Variants in VRK2 observed in about 807,000 individuals in gnomAD.
VRK2 encodes the protein serine/threonine-protein kinase VRK2.
A neutral mutation model predicts 57.6 loss-of-function variants in VRK2; 60 were observed. The ratio of observed to expected loss-of-function variants is 1.04; its 90% CI spans 0.85 to 1.29. VRK2 has a LOEUF of 1.29. Ranked by LOEUF, VRK2 falls within the 50% of genes most tolerant of loss-of-function variation. The pLI is 0.00. For missense variants in VRK2, 705 were observed against 588.1 expected (o/e 1.20, Z -2.06); for synonymous variants, 231 against 199.2 (o/e 1.16, Z -1.35).
At position 58,084,092 on chromosome 2, in the gene VRK2, T is replaced by G. The variant is rs555993721; in HGVS notation, c.140T>G (p.Phe47Cys). ...SGGFGLIYLAFPTNKPEKDAR... is the reference protein window; with the variant it reads ...SGGFGLIYLACPTNKPEKDAR... The stretch of plus-strand genomic sequence containing the variant: ...TGTGTGTTTTTTTTGTCTGCAGCTT[T>G]CCCCACAAATAAACCAGAGAAAGAT... Residue 47 changes from phenylalanine (F) to cysteine (C), a missense_variant, in exon 3 of 13, where the codon TTC (phenylalanine) becomes TGC (cysteine). By Grantham distance (205) the Phe-to-Cys change is radical. Transcript: ENST00000340157. 15 of 1,605,932 alleles carry G rather than the reference T, an allele frequency of 9.3e-6. No individual in the cohort carries two copies. The African/African-American group carries it at 2.0e-4, about 21-fold the overall frequency.
chr2:58,042,654 T>C (rs534365405), upstream of VRK2, among the ~76,000 whole-genome samples: 1 of 152,318 alleles, frequency 6.6e-6, no homozygotes, highest in Non-Finnish European at 1.5e-5. Flanking sequence ...GTGTAAGCAT[T>C]TTATAGCACC....
At chr2:58,107,501 A>G (rs533640321) in intron 7 of VRK2, among the ~76,000 whole-genome samples, 15 of 151,898 alleles carry the variant, frequency 9.9e-5, no homozygotes, top group African/African-American at 1.7e-4. Flanking sequence ...TCTTCCTAGT[A>G]TAATTTTCAT....
chr2:58,017,416 C>T (rs1207677584), intron 1 of VRK2, among the ~76,000 whole-genome samples: 3 of 152,186 alleles, frequency 2.0e-5, no homozygotes, highest in Non-Finnish European at 4.4e-5. Context: ...AGGCAAACTT[C>T]CTCCATCATA....
At position 58,159,495 on chromosome 2, in the gene VRK2, G is replaced by A; in HGVS notation, c.1329G>A (p.Lys443=). ...ATTTTACCAGTCCAGATATATTCAA[G>A]AAGTCAAGATCTCCATCTTGGTATA... is the stretch of plus-strand genomic sequence containing the variant. ...HQDFTSPDIF[K]KSRSPSWYKY... is the part of the protein sequence containing the mutation. Residue 443 remains lysine (K), a synonymous_variant, in exon 13 of 13, where the codon AAG becomes AAA. Coordinates refer to ENST00000340157, the MANE Select transcript of VRK2 (RefSeq NM_006296.7). The A allele has an allele frequency of 6.2e-7, 1 of 1,613,634 alleles. No homozygotes were observed. The highest frequency in any genetic ancestry group is 8.5e-7 in the Non-Finnish European group (1 of 1,179,740).
chr2:58,062,278 C>CA (rs1406886148), intron 2 of VRK2, among the ~76,000 whole-genome samples: 2 of 152,014 alleles, frequency 1.3e-5, no homozygotes, highest in East Asian at 1.9e-4. Context: ...CTGCACCACT[C>CA]ACCAGCCATG....
chr2:58,066,692 A>C (rs578147840), intron 2 of VRK2, among the ~76,000 whole-genome samples: 1 of 152,300 alleles, frequency 6.6e-6, no homozygotes, highest in South Asian at 2.1e-4. Flanking sequence ...AGTGAAGCTA[A>C]CTGGGTTTAG....
chr2:57,935,023 G>C (rs1022042424), intron 1 of VRK2, among the ~76,000 whole-genome samples: 15 of 152,026 alleles, frequency 9.9e-5, no homozygotes, highest in Non-Finnish European at 1.6e-4. Context: ...CCTTGCTTAG[G>C]TTTCTTAAAA....
At chr2:57,936,712 C>T (rs1188347621) in intron 1 of VRK2, among the ~76,000 whole-genome samples, 5 of 151,362 alleles carry the variant, frequency 3.3e-5, no homozygotes, top group Admixed American at 1.3e-4. Flanking sequence ...TTTATTGTAC[C>T]TCTTCCTTAT....
Position 58,123,133 on chromosome 2 carries a change from A to AT in VRK2, c.577dup (p.Tyr193LeufsTer15). ...TTGCAGATTATGGACTTTCCTACAGATATTGTCCCAATGGGAACCACAAAC... is the reference window on the plus strand; with the variant it reads ...TTGCAGATTATGGACTTTCCTACAGATTATTGTCCCAATGGGAACCACAAAC... On this transcript the variant is annotated frameshift_variant, in exon 8 of 13. Transcript: ENST00000340157. LOFTEE classifies it high-confidence loss of function. 6.2e-7 allele frequency: 1 copy of AT among 1,600,910 alleles called. No homozygotes were observed. Among genetic ancestry groups the AT allele is most frequent in the Non-Finnish European group, 8.5e-7 (1 of 1,176,292 alleles).
chr2:58,131,924 A>T lies in VRK2; in HGVS notation c.793A>T (p.Thr265Ser). 6.2e-7 allele frequency: 1 copy of T among 1,614,146 alleles called. No homozygotes were observed. Among genetic ancestry groups the T allele is most frequent in the Non-Finnish European group, 8.5e-7 (1 of 1,179,988 alleles). Residue 265 changes from threonine to serine, a missense_variant, in exon 9 of 13, where the codon ACA (threonine) becomes TCA (serine). Thr to Ser is a moderately conservative substitution (Grantham distance 58). Transcript: ENST00000340157. Reference protein sequence around the residue: ...KDPVAVQTAKTNLLDELPQSV... With the variant: ...KDPVAVQTAKSNLLDELPQSV... ...CCCTGTGGCTGTGCAGACTGCTAAA[A>T]CAAAGTACAAATTTTCAAGTATTTC...
chr2:58,123,226 G>C lies in VRK2; in HGVS notation c.669G>C (p.Lys223Asn). 1.3e-6 allele frequency: 2 copies of C among 1,576,952 alleles called. No homozygotes were observed. Among genetic ancestry groups the C allele is most frequent in the South Asian group, 2.4e-5 (2 of 83,804 alleles). Residue 223 changes from lysine to asparagine, a missense_variant, in exon 8 of 13, where the codon AAG becomes AAC. Physicochemically the swap from Lys to Asn is moderately conservative, Grantham distance 94 (BLOSUM62 0). Transcript: ENST00000340157. ...TIEFTSLDAH[K>N]GVALSRRSDV... ...AGTTTACCAGCTTGGATGCCCACAA[G>C]GGAGTAGGTGGGTTTCTTTTTTCTT...
At chr2:58,113,861 T>C (rs982380908) in intron 7 of VRK2, among the ~76,000 whole-genome samples, 6 of 152,198 alleles carry the variant, frequency 3.9e-5, no homozygotes, top group Non-Finnish European at 8.8e-5. Context: ...AGGCCTGACA[T>C]TCCTGCTTCC....
At chr2:58,156,347 G>A (rs1226488787) in intron 12 of VRK2, among the ~76,000 whole-genome samples, 2 of 151,896 alleles carry the variant, frequency 1.3e-5, no homozygotes, top group African/African-American at 4.8e-5. Flanking sequence ...GCTGTCTTTT[G>A]TTTATTGTGC....
At chr2:57,978,347 G>T (rs1294047001) in intron 1 of VRK2, among the ~76,000 whole-genome samples, 3 of 151,032 alleles carry the variant, frequency 2.0e-5, no homozygotes, top group Non-Finnish European at 4.4e-5. Flanking sequence ...AATTCACAGT[G>T]TGGGACATAA....
At chr2:58,016,156 T>C (rs1399856897) in intron 1 of VRK2, among the ~76,000 whole-genome samples, 1 of 151,214 alleles carries the variant, frequency 6.6e-6, no homozygotes. Context: ...TTTTCTAATC[T>C]ATAAAATAGA....
intron 1 of VRK2, among the ~76,000 whole-genome samples, chr2:58,020,772 A>C (rs1383678411): frequency 6.6e-6 from 1 of 152,226 alleles, no homozygotes; most frequent in Non-Finnish European, 1.5e-5. Context: ...TTTCTAAAAT[A>C]ATAAAGTAAA....
intron 8 of VRK2, among the ~76,000 whole-genome samples, chr2:58,129,565 A>G (rs997150137): frequency 1.4e-4 from 22 of 152,246 alleles, no homozygotes; most frequent in Non-Finnish European, 2.1e-4. Context: ...ACTATAATCA[A>G]TTCTTTGTGT....
In VRK2 at chr2:58,136,182, C is replaced by T. The variant is rs1679980286; in HGVS notation, c.856+983C>T. Among the ~76,000 whole-genome samples the T allele has an allele frequency of 2.6e-5, 4 of 152,236 alleles. No individual in the cohort carries two copies. In the South Asian group the frequency reaches 8.3e-4, roughly 32 times the overall value. Reference sequence around the variant, plus strand: ...GAAAGAATAAGCCAGTTCTACTTCCCCTCTCCATTTGCAAGTCCAATAAGC... The same window carrying T: ...GAAAGAATAAGCCAGTTCTACTTCCTCTCTCCATTTGCAAGTCCAATAAGC... On this transcript the variant is annotated intron_variant, in intron 10 of 12. Coordinates refer to ENST00000340157, the MANE Select transcript of VRK2 (RefSeq NM_006296.7).
upstream of VRK2, among the ~76,000 whole-genome samples, chr2:58,046,166 G>A (rs369782097): frequency 6.6e-6 from 1 of 152,156 alleles, no homozygotes; most frequent in Non-Finnish European, 1.5e-5. Flanking sequence ...TTATGTATTA[G>A]AAAACTGCTT....
Sources: allele counts gnomAD v4.1 joint callset (sites outside exome capture counted in the v4.1 genomes callset), GRCh38; gene constraint gnomAD v4.1.1; transcripts MANE v1.5; gene names NCBI Gene and HGNC (gene_info 2026-07-23, HGNC 2026-07-21).